Variants in PATJ observed in about 807,000 individuals in gnomAD.
PATJ encodes PATJ crumbs cell polarity complex component, also known as inaD-like protein.
A neutral mutation model predicts 224.9 loss-of-function variants in PATJ; 190 were observed. That is an observed-to-expected ratio of 0.84 (90% CI 0.75 to 0.95). PATJ has a LOEUF of 0.95. Ranked by LOEUF, PATJ falls within the 40% of genes least tolerant of loss-of-function variation. The pLI is 0.00. For synonymous variants in PATJ, 769 were observed against 820.3 expected, an observed-to-expected ratio of 0.94 and a Z score of 1.07; for missense variants, 2,121 against 2,270.3, an observed-to-expected ratio of 0.93 and a Z score of 1.34.
intron 10 of PATJ, among the ~76,000 whole-genome samples, chr1:61,796,663 TTTCTTTCTTTCTTTCTTTCTTTCTTTC>T: frequency 2.6e-5 from 1 of 38,260 alleles, no homozygotes; most frequent in South Asian, 1.2e-3. Context: ...ATTTATTTTC[TTTCTTTCTTTCTTTCTTTCTTTCTTTC>T]TTTCTTTCTT....
intron 22 of PATJ, among the ~76,000 whole-genome samples, chr1:61,894,802 A>T (rs1036009404): frequency 2.0e-5 from 3 of 152,206 alleles, no homozygotes; most frequent in Non-Finnish European, 1.5e-5. Context: ...TAACAGGCAG[A>T]GGTTGGAATG....
intron 25 of PATJ, among the ~76,000 whole-genome samples, chr1:61,910,327 A>G (rs1019971573): frequency 2.6e-5 from 4 of 152,178 alleles, no homozygotes; most frequent in Non-Finnish European, 5.9e-5. Context: ...TCTTTCAATT[A>G]TTCAAACAAA....
intron 32 of PATJ, 35 bp from the exon 33 acceptor site, chr1:62,084,480 A>T: frequency 6.3e-7 from 1 of 1,588,366 alleles, no homozygotes; most frequent in Non-Finnish European, 8.6e-7. Context: ...TGCAGCTCTT[A>T]CATGCCAGTC....
chr1:61,961,069 A>G (rs970190764), intron 27 of PATJ, among the ~76,000 whole-genome samples: 1 of 152,252 alleles, frequency 6.6e-6, no homozygotes, highest in Non-Finnish European at 1.5e-5. Context: ...CTTTACTGTC[A>G]TTAATTCTGT....
chr1:61,983,498 T>G (rs1439356354), intron 27 of PATJ, among the ~76,000 whole-genome samples: 1 of 152,096 alleles, frequency 6.6e-6, no homozygotes, highest in African/African-American at 2.4e-5. Context: ...GAGGAAACTT[T>G]TACTTCTTTT....
intron 17 of PATJ, among the ~76,000 whole-genome samples, chr1:61,843,873 C>T (rs1352501249): frequency 6.6e-6 from 1 of 151,776 alleles, no homozygotes; most frequent in African/African-American, 2.4e-5. Context: ...GTTATTCATT[C>T]TCACCTTTAA....
At chr1:61,916,839 G>C (rs1157965168) in intron 26 of PATJ, among the ~76,000 whole-genome samples, 1 of 152,160 alleles carries the variant, frequency 6.6e-6, no homozygotes, top group Non-Finnish European at 1.5e-5. Context: ...GATTAGTTTG[G>C]TTGGTGATGA....
At chr1:61,754,208 C>T (rs1325928043) in intron 1 of PATJ, among the ~76,000 whole-genome samples, 1 of 152,192 alleles carries the variant, frequency 6.6e-6, no homozygotes, top group Non-Finnish European at 1.5e-5. Flanking sequence ...CTCAGTTTCA[C>T]CGTGTTTCAA....
At position 62,013,582 on chromosome 1, in the gene PATJ, C is replaced by A. The variant is rs77608671; in HGVS notation, c.3868-4274C>A. The A allele has an allele frequency of 3.0e-3, 2,590 of 852,170 alleles. 61 individuals carry two copies. In the African/African-American group the frequency reaches 0.044, roughly 14 times the overall value. The allele number at this position is 852,170 out of a possible 1,614,324, so 52.8% of individuals were successfully genotyped here. A position where few individuals can be genotyped will look rare whatever the true frequency, so the allele number is the denominator to read the frequency against. On this transcript the variant is annotated intron_variant, in intron 28 of 43. Transcript: ENST00000642238. Reference sequence around the variant, plus strand: ...TACTGCCCAACAAGGACTGACTTTACCATGTTGTGTTGTGGTATAAGTGCA... The same window carrying A: ...TACTGCCCAACAAGGACTGACTTTAACATGTTGTGTTGTGGTATAAGTGCA...
chr1:62,135,936 T>G (rs1558218825), intron 41 of PATJ, among the ~76,000 whole-genome samples: 1 of 151,542 alleles, frequency 6.6e-6, no homozygotes, highest in Non-Finnish European at 1.5e-5. Context: ...TGTGTGCCAC[T>G]AGGTGGCAAT....
intron 31 of PATJ, among the ~76,000 whole-genome samples, chr1:62,057,275 G>C (rs1654706833): frequency 6.6e-6 from 1 of 152,184 alleles, no homozygotes; most frequent in African/African-American, 2.4e-5. Flanking sequence ...GGACAAAGAA[G>C]AAAACAAAGG....
chr1:61,833,583 C>T (rs1659693794), intron 16 of PATJ, 71 bp from the exon 17 acceptor site: 1 of 1,410,998 alleles, frequency 7.1e-7, no homozygotes, highest in African/African-American at 1.5e-5. Flanking sequence ...CTGTGAGATT[C>T]TTGATGTGTG....
At chr1:61,793,104 G>A (rs971175476) in intron 9 of PATJ, among the ~76,000 whole-genome samples, 1 of 151,528 alleles carries the variant, frequency 6.6e-6, no homozygotes, top group Admixed American at 6.6e-5. Context: ...ATGGAGTCTC[G>A]CTCTGTCACC....
chr1:61,955,569 AT>A (rs1557938741), intron 27 of PATJ, among the ~76,000 whole-genome samples: 2 of 152,220 alleles, frequency 1.3e-5, no homozygotes, highest in Admixed American at 6.5e-5. Context: ...TCAAGAATTT[AT>A]TTTCTGAAAT....
chr1:62,019,571 CT>C (rs1646962424), intron 29 of PATJ, among the ~76,000 whole-genome samples: 1 of 151,814 alleles, frequency 6.6e-6, no homozygotes, highest in African/African-American at 2.4e-5. Context: ...TCTAGTGGCA[CT>C]TTCTGGCTTT....
intron 30 of PATJ, among the ~76,000 whole-genome samples, chr1:62,043,153 T>G (rs908107059): frequency 1.4e-4 from 22 of 152,316 alleles, no homozygotes; most frequent in Non-Finnish European, 2.6e-4. Flanking sequence ...CCTCCCAAAG[T>G]CTGTCTTTTT....
intron 31 of PATJ, among the ~76,000 whole-genome samples, chr1:62,065,249 G>T (rs1656216658): frequency 6.6e-6 from 1 of 152,050 alleles, no homozygotes; most frequent in African/African-American, 2.4e-5. Context: ...GAGACACCAG[G>T]GTAACAGAGC....
intron 27 of PATJ, among the ~76,000 whole-genome samples, chr1:61,945,598 A>G (rs1470547521): frequency 1.3e-5 from 2 of 152,314 alleles, no homozygotes; most frequent in East Asian, 3.9e-4. Context: ...AGAGACCTAC[A>G]AAGAGACTTA....
At chr1:61,833,587 A>T in intron 16 of PATJ, 67 bp from the exon 17 acceptor site, 1 of 1,429,080 alleles carries the variant, frequency 7.0e-7, no homozygotes, top group South Asian at 1.4e-5. Context: ...GAGATTCTTG[A>T]TGTGTGCATT....
Sources: gnomAD v4.1 joint callset for allele counts (sites outside exome capture counted in the v4.1 genomes callset) on GRCh38, gnomAD v4.1.1 for gene constraint, MANE v1.5 for transcripts, NCBI Gene and HGNC (gene_info 2026-07-23, HGNC 2026-07-21) for gene names.